The following ZKSCAN2 variants were observed in gnomAD, a reference collection of about 807,000 sequenced individuals.
ZKSCAN2 encodes the protein zinc finger protein with KRAB and SCAN domains 2.
In ZKSCAN2, 38 loss-of-function variants were observed where a neutral mutation model predicts 90.5. That is an observed-to-expected ratio of 0.42 (90% confidence interval 0.32 to 0.55). The LOEUF (loss-of-function observed/expected upper bound fraction) is 0.55. ZKSCAN2 is among the 20% of genes least tolerant of loss of function. The probability of loss-of-function intolerance (pLI) is 0.11; values close to 1 mark genes in which losing one functional copy is unlikely to be tolerated. For synonymous variants in ZKSCAN2, 429 were observed against 421.6 expected (o/e 1.02, Z -0.22); for missense variants, 1,167 against 1,202.6 (o/e 0.97, Z 0.44).
In ZKSCAN2 at chr16:25,257,589, C is replaced by G. The variant is rs1026810852; in HGVS notation, c.-462G>C. On this transcript the variant is annotated 5_prime_UTR_variant, in exon 1 of 7. Coordinates refer to ENST00000328086, the MANE Select transcript of ZKSCAN2 (RefSeq NM_001012981.5). ...CCCGCCCGGCGCCAGGTTCCGGGCTCGGGTCACCGCAGCACGTCCAGGCCG... is the reference window on the plus strand; with the variant it reads ...CCCGCCCGGCGCCAGGTTCCGGGCTGGGGTCACCGCAGCACGTCCAGGCCG... 5 of 858,462 alleles carry G rather than the reference C, an allele frequency of 5.8e-6. No homozygotes were observed. The Admixed American group carries it at 3.1e-4, about 53-fold the overall frequency. 53.2% of individuals were successfully genotyped at this position (858,462 alleles called of 1,614,324 possible). A position where few individuals can be genotyped will look rare whatever the true frequency, so the allele number is the denominator to read the frequency against.
chr16:25,251,022 C>T (rs1465158125), intron 4 of ZKSCAN2, among the ~76,000 whole-genome samples: 1 of 152,050 alleles, frequency 6.6e-6, no homozygotes. Context: ...TCCCAAAGTG[C>T]TGGGATTACA....
rs1963109891 is a variant in ZKSCAN2 at position 25,256,828 on chromosome 16, C to T, written c.300G>A (p.Lys100=). 1 of 1,614,218 alleles carries T rather than the reference C, an allele frequency of 6.2e-7. No homozygotes were observed. The highest frequency in any genetic ancestry group is 8.5e-7 in the Non-Finnish European group (1 of 1,180,038). The stretch of plus-strand genomic sequence containing the variant: ...ACTGCTTCTGTGCCCAAGCCTGAAT[C>T]TTCTCGGGTAAAATGGTGAGAAACT... The part of the protein sequence containing the change: ...IEQFLTILPE[K]IQAWAQKQCP... Residue 100 remains lysine (K), a synonymous_variant, in exon 1 of 7, where the codon AAG becomes AAA. Transcript: ENST00000328086.
intron 6 of ZKSCAN2, among the ~76,000 whole-genome samples, chr16:25,241,080 C>T (rs1567350416): frequency 3.3e-5 from 5 of 152,216 alleles, no homozygotes; most frequent in Admixed American, 1.3e-4. Flanking sequence ...GCACACTACA[C>T]CACACTGATC....
At chr16:25,253,969 C>T (rs1331577204) in intron 2 of ZKSCAN2, among the ~76,000 whole-genome samples, 1 of 152,158 alleles carries the variant, frequency 6.6e-6, no homozygotes, top group Non-Finnish European at 1.5e-5. Flanking sequence ...GATCGTGCCA[C>T]TGCACGCTAA....
At chr16:25,247,639 G>A (rs1384084820) in intron 4 of ZKSCAN2, among the ~76,000 whole-genome samples, 1 of 152,136 alleles carries the variant, frequency 6.6e-6, no homozygotes, top group Non-Finnish European at 1.5e-5. Context: ...TTAAGGGTAA[G>A]AATATATATT....
rs61742723 is a variant in ZKSCAN2 at position 25,247,334 on chromosome 16, A to G, written c.862T>C (p.Trp288Arg). Residue 288 changes from tryptophan to arginine, a missense_variant, in exon 5 of 7, where the codon TGG (tryptophan) becomes CGG (arginine). Coordinates refer to ENST00000328086, the MANE Select transcript of ZKSCAN2 (RefSeq NM_001012981.5). ...ITRLEQRKEP[W>R]TLGLHSSNKR... ...TTAGAGGAATGCAGACCTAGAGTCCATGGCTCCTTTCTCTGTTCCAACCGG... is the reference window on the plus strand; with the variant it reads ...TTAGAGGAATGCAGACCTAGAGTCCGTGGCTCCTTTCTCTGTTCCAACCGG... The G allele has an allele frequency of 0.071, 114,803 of 1,613,308 alleles. 5,296 individuals carry two copies. The highest frequency in any genetic ancestry group is 0.22 in the African/African-American group (16,627 of 74,992).
intron 4 of ZKSCAN2, among the ~76,000 whole-genome samples, chr16:25,249,253 A>G (rs184834434): frequency 1.3e-5 from 2 of 152,206 alleles, no homozygotes; most frequent in Non-Finnish European, 1.5e-5. Context: ...TATAGTGACT[A>G]TAATATGTAG....
intron 6 of ZKSCAN2, among the ~76,000 whole-genome samples, chr16:25,242,685 T>C (rs1028500866): frequency 2.0e-5 from 3 of 152,182 alleles, no homozygotes; most frequent in African/African-American, 4.8e-5. Flanking sequence ...ATGTAGGAAA[T>C]AGCCAGTAGT....
chr16:25,243,292 C>T (rs539206228), intron 6 of ZKSCAN2, among the ~76,000 whole-genome samples: 1 of 152,200 alleles, frequency 6.6e-6, no homozygotes, highest in Non-Finnish European at 1.5e-5. Context: ...GTCACTCTAA[C>T]GTGAGTTCCT....
rs1443021104 is a variant in ZKSCAN2 at position 25,238,983 on chromosome 16, G to C, written c.*833C>G. 6.5e-6 allele frequency: 1 copy of C among 152,678 alleles called. No homozygotes were observed. The highest frequency in any genetic ancestry group is 2.1e-4 in the South Asian group (1 of 4,822). The allele number at this position is 152,678 out of a possible 1,614,324, so 9.5% of individuals were successfully genotyped here. A position where few individuals can be genotyped will look rare whatever the true frequency, so the allele number is the denominator to read the frequency against. The stretch of plus-strand genomic sequence containing the variant: ...CTTTAGTGAGACACACCACGAGCAG[G>C]CCTCCTATTCTATCTGAGGAGGGCA... On this transcript the variant is annotated 3_prime_UTR_variant, in exon 7 of 7. Transcript: ENST00000328086.
chr16:25,240,087 C>T lies in ZKSCAN2; in HGVS notation c.2633G>A (p.Arg878Gln), dbSNP rs61742943. 755 of 1,613,104 alleles carry T rather than the reference C, an allele frequency of 4.7e-4. 3 individuals carry two copies. The highest frequency in any genetic ancestry group is 5.8e-4 in the Non-Finnish European group (688 of 1,179,814). Residue 878 changes from arginine (R) to glutamine (Q), a missense_variant, in exon 7 of 7, where the codon CGG becomes CAG. By Grantham distance (43) the Arg-to-Gln change is conservative. Coordinates refer to ENST00000328086, the MANE Select transcript of ZKSCAN2 (RefSeq NM_001012981.5). ...FTNSSHFSAH[R>Q]RVHTGENPYK... The stretch of plus-strand genomic sequence containing the variant: ...GGGATTCTCCCCAGTGTGAACTCTC[C>T]GGTGGGCGCTGAAATGAGAACTGTT...
chr16:25,240,301 C>CA lies in ZKSCAN2; in HGVS notation c.2418dup (p.Asp807Ter). Reference sequence around the variant, plus strand: ...GAGTCATTAAAGCTTTTTCCACAGTCAAGACATTTAAAAGGTTTTTCGCCT... The same window carrying CA: ...GAGTCATTAAAGCTTTTTCCACAGTCAAAGACATTTAAAAGGTTTTTCGCCT... On this transcript the variant is annotated frameshift_variant, in exon 7 of 7. Transcript: ENST00000328086. LOFTEE classifies it high-confidence loss of function. 1 of 1,614,070 alleles carries CA rather than the reference C, an allele frequency of 6.2e-7. No homozygotes were observed. Among genetic ancestry groups the CA allele is most frequent in the Non-Finnish European group, 8.5e-7 (1 of 1,180,022 alleles).
intron 5 of ZKSCAN2, among the ~76,000 whole-genome samples, chr16:25,244,944 T>C (rs1486526615): frequency 6.6e-6 from 1 of 152,210 alleles, no homozygotes; most frequent in African/African-American, 2.4e-5. Context: ...TAATCTATTG[T>C]AGGAAAAATC....
chr16:25,253,069 T>C (rs1963045384), intron 2 of ZKSCAN2, 32 bp from the exon 3 acceptor site: 2 of 1,554,146 alleles, frequency 1.3e-6, no homozygotes, highest in South Asian at 1.1e-5. Context: ...ATTAGTAATC[T>C]GGGCTTTGAC....
intron 4 of ZKSCAN2, among the ~76,000 whole-genome samples, chr16:25,247,807 G>A (rs1962956762): frequency 6.6e-6 from 1 of 152,062 alleles, no homozygotes; most frequent in Non-Finnish European, 1.5e-5. Flanking sequence ...TATAGGCACT[G>A]GGACTATAAG....
chr16:25,249,091 C>T (rs1009528044), intron 4 of ZKSCAN2, among the ~76,000 whole-genome samples: 1 of 152,042 alleles, frequency 6.6e-6, no homozygotes, highest in Non-Finnish European at 1.5e-5. Context: ...ATGTCCAACT[C>T]ATAGAAGTAG....
At chr16:25,254,616 T>A (rs1252550402) in intron 2 of ZKSCAN2, among the ~76,000 whole-genome samples, 1 of 152,122 alleles carries the variant, frequency 6.6e-6, no homozygotes, top group African/African-American at 2.4e-5. Context: ...AGAGAAAATG[T>A]GTTTGTCTCG....
intron 4 of ZKSCAN2, among the ~76,000 whole-genome samples, chr16:25,248,056 G>A (rs971870926): frequency 6.6e-6 from 1 of 151,986 alleles, no homozygotes; most frequent in South Asian, 2.1e-4. Flanking sequence ...ATACAAAAGA[G>A]TGAAACTGGA....
chr16:25,243,670 T>C (rs1318136688), intron 6 of ZKSCAN2, 115 bp downstream of exon 6: 1 of 1,303,614 alleles, frequency 7.7e-7, no homozygotes, highest in Non-Finnish European at 1.1e-6. Flanking sequence ...GCACAGGCAC[T>C]CAAATATTTC....
Sources: allele counts gnomAD v4.1 joint callset (sites outside exome capture counted in the v4.1 genomes callset), GRCh38; gene constraint gnomAD v4.1.1; transcripts MANE v1.5; gene names NCBI Gene and HGNC (gene_info 2026-07-23, HGNC 2026-07-21).